The following ZBTB11 variants were observed in gnomAD, a reference collection of about 807,000 sequenced individuals.
ZBTB11 encodes the protein zinc finger and BTB domain-containing protein 11.
Under a neutral mutation model 113.1 loss-of-function variants are expected in ZBTB11, and 68 were observed. The observed-to-expected ratio is 0.60, with a 90% CI of 0.49 to 0.74. The LOEUF is 0.74. ZBTB11 is among the 30% of genes least tolerant of loss of function. The pLI is 0.00. For synonymous variants in ZBTB11, 518 were observed against 452.6 expected (o/e 1.14, Z -1.83); for missense variants, 1,104 against 1,279.4 (o/e 0.86, Z 2.09).
chr3:101,659,852 T>C lies in ZBTB11; in HGVS notation c.1977A>G (p.Thr659=), dbSNP rs1390748141. 2.5e-6 allele frequency: 4 copies of C among 1,614,078 alleles called. No individual in the cohort carries two copies. The East Asian group carries it at 6.7e-5, about 27-fold the overall frequency. Residue 659 remains threonine (T), a synonymous_variant, in exon 6 of 11, where the codon ACA becomes ACG. Coordinates refer to ENST00000312938, the MANE Select transcript of ZBTB11 (RefSeq NM_014415.4). ...REFICSICGR[T]LPKLYSLRIH... ...TTCGGAGAGAATATAATTTAGGTAA[T>C]GTTCTTCCACATATGGAACATATAA... is the stretch of plus-strand genomic sequence containing the variant.
intron 5 of ZBTB11, among the ~76,000 whole-genome samples, chr3:101,662,492 C>T (rs376999680): frequency 3.9e-5 from 6 of 152,232 alleles, no homozygotes; most frequent in African/African-American, 9.6e-5. Flanking sequence ...GGTATGGTGG[C>T]GCATGCCTGT....
In ZBTB11 at chr3:101,651,422, G is replaced by C. The variant is rs777533902; in HGVS notation, c.2906C>G (p.Thr969Arg). ...GCTTTCTTGTTCCTGCATGCCTGCT[G>C]TTAAGATGCTAACAGCATGTGCCAC... ...TQVAHAVSIL[T>R]AGMQEQESSG... Residue 969 changes from threonine to arginine, a missense_variant, in exon 11 of 11, where the codon ACA becomes AGA. Physicochemically the swap from Thr to Arg is moderately conservative, Grantham distance 71. Transcript: ENST00000312938. The C allele has an allele frequency of 1.2e-6, 2 of 1,614,172 alleles. No homozygotes were observed. Among genetic ancestry groups the C allele is most frequent in the South Asian group, 2.2e-5 (2 of 91,082 alleles).
chr3:101,674,477 G>A (rs572506007), intron 1 of ZBTB11, among the ~76,000 whole-genome samples: 1 of 152,202 alleles, frequency 6.6e-6, no homozygotes, highest in South Asian at 2.1e-4. Flanking sequence ...TTGGGAGGTC[G>A]AGGTGAGCAG....
Position 101,650,728 on chromosome 3 carries a change from G to C in ZBTB11, c.*438C>G, listed in dbSNP as rs1487301825. 4 of 153,170 alleles carry C rather than the reference G, an allele frequency of 2.6e-5. No homozygotes were observed. The highest frequency in any genetic ancestry group is 9.7e-5 in the African/African-American group (4 of 41,422). The allele number at this position is 153,170 out of a possible 1,614,324, so 9.5% of individuals were successfully genotyped here. On this transcript the variant is annotated 3_prime_UTR_variant, in exon 11 of 11. Coordinates refer to ENST00000312938, the MANE Select transcript of ZBTB11 (RefSeq NM_014415.4). ...GAATTTTCTTTTTAATCCATAAACA[G>C]GGCAAATAAATCACAGAATCTCTAT...
chr3:101,664,473 G>A, intron 5 of ZBTB11, 65 bp downstream of exon 5: 1 of 1,437,536 alleles, frequency 7.0e-7, no homozygotes, highest in South Asian at 1.4e-5. Flanking sequence ...AGATAACCAT[G>A]CAGTAAGTTG....
At chr3:101,651,750 C>T in intron 10 of ZBTB11, 67 bp from the exon 11 acceptor site, 2 of 1,450,950 alleles carry the variant, frequency 1.4e-6, no homozygotes, top group Non-Finnish European at 1.8e-6. Context: ...AAACTGCCTA[C>T]CAAACTTCCT....
intron 1 of ZBTB11, among the ~76,000 whole-genome samples, chr3:101,676,039 T>C (rs1409444081): frequency 1.3e-5 from 2 of 152,234 alleles, no homozygotes; most frequent in African/African-American, 4.8e-5. Flanking sequence ...AATCACTCCT[T>C]ATCACTTCTG....
intron 10 of ZBTB11, 37 bp from the exon 11 acceptor site, chr3:101,651,720 G>A: frequency 1.3e-6 from 2 of 1,493,934 alleles, no homozygotes; most frequent in South Asian, 1.4e-5. Flanking sequence ...GTAGTGAGGT[G>A]CAAGCACCAA....
intron 6 of ZBTB11, among the ~76,000 whole-genome samples, chr3:101,657,872 A>G (rs1056330929): frequency 2.0e-5 from 3 of 152,016 alleles, no homozygotes; most frequent in African/African-American, 7.2e-5. Flanking sequence ...GTGTGGTGGC[A>G]TACACCTGAA....
In ZBTB11 at chr3:101,656,107, T is replaced by A. The variant is rs758655872; in HGVS notation, c.2188A>T (p.Thr730Ser). The change falls in exon 7 of 11, where the codon ACA (threonine) becomes TCA (serine). Residue 730 changes from threonine to serine, a missense_variant. Physicochemically the swap from Thr to Ser is moderately conservative, Grantham distance 58. Coordinates refer to ENST00000312938, the MANE Select transcript of ZBTB11 (RefSeq NM_014415.4). ...RSLQEHMSIHTGESKYLCSVC... is the reference protein window; with the variant it reads ...RSLQEHMSIHSGESKYLCSVC... ...GTCAATATAAATTTCTCATTACCTG[T>A]GTGAATACTCATATGTTCTTGAAGA... is the stretch of plus-strand genomic sequence containing the variant. The A allele has an allele frequency of 6.4e-7, 1 of 1,550,478 alleles. No homozygotes were observed. Among genetic ancestry groups the A allele is most frequent in the East Asian group, 2.4e-5 (1 of 40,918 alleles).
In ZBTB11 at chr3:101,672,056, C is replaced by A. The variant is rs1224328871; in HGVS notation, c.468G>T (p.Leu156=). ...TAGTTGGAGATGAAGTAAAGTTGCT[C>A]AGGTCATCTTCCGATTCATTACTTT... The part of the protein sequence containing the change: ...GEESNESEDD[L]SNFTSSPTTA... The change falls in exon 2 of 11, where the codon CTG becomes CTT. Residue 156 remains leucine, a synonymous_variant. Transcript: ENST00000312938. 1 of 1,614,142 alleles carries A rather than the reference C, an allele frequency of 6.2e-7. No homozygotes were observed. The highest frequency in any genetic ancestry group is 1.1e-5 in the South Asian group (1 of 91,080).
chr3:101,671,965 G>A lies in ZBTB11; in HGVS notation c.546+13C>T, dbSNP rs1261200404. 13 of 1,597,166 alleles carry A rather than the reference G, an allele frequency of 8.1e-6. No individual in the cohort carries two copies. In the African/African-American group the frequency reaches 1.3e-4, roughly 16 times the overall value. On this transcript the variant is annotated intron_variant, in intron 2 of 10. Transcript: ENST00000312938. The stretch of plus-strand genomic sequence containing the variant: ...GTTACAAATCTTAAAGCTGACTGGA[G>A]AGTACCACTTACAAACACAAGTTCA...
chr3:101,664,117 A>G (rs939165075), intron 5 of ZBTB11, among the ~76,000 whole-genome samples: 2 of 152,202 alleles, frequency 1.3e-5, no homozygotes, highest in Non-Finnish European at 2.9e-5. Context: ...CAAGGTAGCT[A>G]GCACTACTAA....
intron 6 of ZBTB11, among the ~76,000 whole-genome samples, chr3:101,659,222 T>G (rs539685974): frequency 2.0e-5 from 3 of 152,168 alleles, no homozygotes; most frequent in Admixed American, 1.3e-4. Flanking sequence ...GCCTGAGAGA[T>G]AGAACAAGAC....
chr3:101,669,056 A>G (rs555659973), intron 3 of ZBTB11, among the ~76,000 whole-genome samples: 2 of 152,156 alleles, frequency 1.3e-5, no homozygotes, highest in Non-Finnish European at 2.9e-5. Context: ...TGGCTAAGAC[A>G]GGGTCTTGCT....
chr3:101,667,147 A>G (rs974899611), intron 3 of ZBTB11, among the ~76,000 whole-genome samples: 3 of 152,164 alleles, frequency 2.0e-5, no homozygotes, highest in East Asian at 1.9e-4. Context: ...TTGACCTCCC[A>G]GGCTCAAGCA....
chr3:101,673,662 C>A (rs982967644), intron 1 of ZBTB11, among the ~76,000 whole-genome samples: 1 of 151,880 alleles, frequency 6.6e-6, no homozygotes, highest in African/African-American at 2.4e-5. Context: ...TACAGGCGCC[C>A]GCCACCACAC....
chr3:101,661,845 A>G (rs537474055), intron 5 of ZBTB11, among the ~76,000 whole-genome samples: 1 of 152,110 alleles, frequency 6.6e-6, no homozygotes, highest in African/African-American at 2.4e-5. Context: ...TTTGAAAATA[A>G]TATTTGTATA....
chr3:101,676,633 G>C lies in ZBTB11; in HGVS notation c.282C>G (p.His94Gln). The change falls in exon 1 of 11, where the codon CAC becomes CAG. Residue 94 changes from histidine (H) to glutamine (Q), a missense_variant. Physicochemically the swap from His to Gln is conservative, Grantham distance 24. This residue lies in a region of ZBTB11 where 245 missense variants were observed against 272.5 expected (regional missense o/e 0.90). Coordinates refer to ENST00000312938, the MANE Select transcript of ZBTB11 (RefSeq NM_014415.4). ...GTHHTRHQTW[H>Q]YLSKTYWWRG... The stretch of plus-strand genomic sequence containing the variant: ...GCCACCAGTACGTCTTGGACAAGTA[G>C]TGCCAGGTCTGATGCCGGGTGTGGT... 1 of 1,546,446 alleles carries C rather than the reference G, an allele frequency of 6.5e-7. No individual in the cohort carries two copies. The highest frequency in any genetic ancestry group is 8.7e-7 in the Non-Finnish European group (1 of 1,144,234).
Sources: allele counts gnomAD v4.1 joint callset (sites outside exome capture counted in the v4.1 genomes callset), GRCh38; gene constraint gnomAD v4.1.1; regional missense constraint gnomAD v4.1.1; transcripts MANE v1.5; gene names NCBI Gene and HGNC (gene_info 2026-07-23, HGNC 2026-07-21).